The following LMO3 variants were observed in gnomAD, a reference collection of about 807,000 sequenced individuals.
LMO3 encodes the protein LIM domain only 3.
A neutral mutation model predicts 15.8 loss-of-function variants in LMO3; 2 were observed. That is an observed-to-expected ratio of 0.13 (90% CI 0.05 to 0.40). The LOEUF is 0.40. Ranked by LOEUF, LMO3 falls within the 10% of genes least tolerant of loss-of-function variation. LMO3 has a pLI of 0.99. For missense variants in LMO3, 86 were observed against 182.2 expected, an observed-to-expected ratio of 0.47 and a Z score of 3.04; for synonymous variants, 62 against 63.8, an observed-to-expected ratio of 0.97 and a Z score of 0.13.
intron 3 of LMO3, among the ~76,000 whole-genome samples, chr12:16,558,654 C>T (rs1393287945): frequency 6.6e-6 from 1 of 152,078 alleles, no homozygotes. Context: ...AGAGTCAAGA[C>T]ATTGTAAGAT....
At position 16,604,923 on chromosome 12, in the gene LMO3, T is replaced by C. The variant is rs1565517963; in HGVS notation, c.-9+1143A>G. Reference sequence around the variant, plus strand: ...TTAGGCGTGTCTGAGTTGCAGCAGCTTCGCATTGAGCACCAAACCCAAAGG... The same window carrying C: ...TTAGGCGTGTCTGAGTTGCAGCAGCCTCGCATTGAGCACCAAACCCAAAGG... On this transcript the variant is annotated intron_variant, in intron 1 of 3. Transcript: ENST00000537304. The surrounding 1 kb of genome is among the most constrained non-coding windows in gnomAD (Gnocchi z 5.3). The C allele has an allele frequency of 6.3e-7, 1 of 1,598,442 alleles. No individual in the cohort carries two copies. The highest frequency in any genetic ancestry group is 8.5e-7 in the Non-Finnish European group (1 of 1,179,788).
Position 16,596,771 on chromosome 12 carries a change from G to A in LMO3, c.206+3884C>T, listed in dbSNP as rs1188813739. 2.0e-5 allele frequency among the ~76,000 whole-genome samples: 3 copies of A among 151,590 alleles called. No homozygotes were observed. Among genetic ancestry groups the A allele is most frequent in the African/African-American group, 7.3e-5 (3 of 41,366 alleles). ...TAAGGCGGATAGATCGCAGTGATGA[G>A]TACCTTAAACATTATCACTACAACT... On this transcript the variant is annotated intron_variant, in intron 2 of 3. Transcript: ENST00000537304. The surrounding 1 kb of genome is among the most constrained non-coding windows in gnomAD (Gnocchi z 4.3).
At position 16,593,379 on chromosome 12, in the gene LMO3, T is replaced by TCCACC. The variant is rs1379298128; in HGVS notation, c.206+7271_206+7275dup. Among the ~76,000 whole-genome samples the TCCACC allele has an allele frequency of 3.3e-5, 5 of 151,798 alleles. No homozygotes were observed. Among genetic ancestry groups the TCCACC allele is most frequent in the Non-Finnish European group, 5.9e-5 (4 of 67,772 alleles). On this transcript the variant is annotated intron_variant, in intron 2 of 3. Coordinates refer to ENST00000537304, the MANE Select transcript of LMO3 (RefSeq NM_018640.5). The surrounding 1 kb of genome is among the most constrained non-coding windows in gnomAD (Gnocchi z 4.2). ...AATACATGCAGCTTAATGTTAATTTTCCACCTTCAAATCAGGGATTTGACT... is the reference window on the plus strand; with the variant it reads ...AATACATGCAGCTTAATGTTAATTTTCCACCCCACCTTCAAATCAGGGATTTGACT...
At chr12:16,581,973 ATATT>A (rs1326829287) in intron 2 of LMO3, among the ~76,000 whole-genome samples, 1 of 151,952 alleles carries the variant, frequency 6.6e-6, no homozygotes, top group Non-Finnish European at 1.5e-5. Context: ...TTTACTATTT[ATATT>A]TATTTACTTC....
chr12:16,568,599 GAAA>G (rs1439910952), intron 2 of LMO3, among the ~76,000 whole-genome samples: 2 of 152,126 alleles, frequency 1.3e-5, no homozygotes, highest in Non-Finnish European at 2.9e-5. Flanking sequence ...GCACAAAAAA[GAAA>G]AATATTTCAT....
intron 3 of LMO3, among the ~76,000 whole-genome samples, chr12:16,556,539 A>ACAATT (rs1474951924): frequency 6.6e-6 from 1 of 152,242 alleles, no homozygotes; most frequent in Non-Finnish European, 1.5e-5. Flanking sequence ...ACTGCTGAAT[A>ACAATT]CAATTCACAA....
chr12:16,573,242 A>G (rs1008549327), intron 2 of LMO3, among the ~76,000 whole-genome samples: 2 of 152,166 alleles, frequency 1.3e-5, no homozygotes, highest in African/African-American at 2.4e-5. Flanking sequence ...GGGTTTAGAG[A>G]GAATATTGAA....
chr12:16,600,777 T>C lies in LMO3; in HGVS notation c.84A>G (p.Ala28=). 1 of 1,614,114 alleles carries C rather than the reference T, an allele frequency of 6.2e-7. No individual in the cohort carries two copies. Among genetic ancestry groups the C allele is most frequent in the Non-Finnish European group, 8.5e-7 (1 of 1,180,010 alleles). Residue 28 remains alanine, a synonymous_variant, in exon 2 of 4, where the codon GCA becomes GCG. Transcript: ENST00000537304. ...AGTCTTCATGCCAGTATTTGTCCAG[T>C]GCCTTTAGAAGATACCGGTCCTTGA... ...RKIKDRYLLK[A]LDKYWHEDCL...
chr12:16,595,467 T>C (rs1943619137), intron 2 of LMO3, among the ~76,000 whole-genome samples: 1 of 151,368 alleles, frequency 6.6e-6, no homozygotes, highest in South Asian at 2.1e-4. Flanking sequence ...CACCTACTAT[T>C]TTCCAGAATG....
intron 3 of LMO3, among the ~76,000 whole-genome samples, chr12:16,553,003 C>T (rs146105176): frequency 3.0e-4 from 45 of 152,150 alleles, no homozygotes; most frequent in African/African-American, 9.4e-4. Context: ...TGACATCAGT[C>T]GACTTTGTAG....
rs564528955 is a variant in LMO3, at chr12:16,585,144, G to T, written c.206+15511C>A. ...GTCATGGCTTCCCCCTTTGGGTGGC[G>T]CATGCAAGCCCCAGTTCACAACGTT... is the stretch of plus-strand genomic sequence containing the variant. On this transcript the variant is annotated intron_variant, in intron 2 of 3. Coordinates refer to ENST00000537304, the MANE Select transcript of LMO3 (RefSeq NM_018640.5). The surrounding 1 kb of genome is among the most constrained non-coding windows in gnomAD (Gnocchi z 4.7). 3.9e-5 allele frequency among the ~76,000 whole-genome samples: 6 copies of T among 152,128 alleles called. No homozygotes were observed. The highest frequency in any genetic ancestry group is 1.2e-4 in the African/African-American group (5 of 41,422).
Position 16,559,798 on chromosome 12 carries a change from GA to G in LMO3, c.332+614del, listed in dbSNP as rs60838238. Among the ~76,000 whole-genome samples, 39,557 of 138,146 alleles carry G rather than the reference GA, an allele frequency of 0.29. 5,771 individuals carry two copies. Among genetic ancestry groups the G allele is most frequent in the South Asian group, 0.4 (1,718 of 4,292 alleles). 90.6% of individuals were successfully genotyped at this position (138,146 alleles called of 152,430 possible). ...AAACTCCATCATCTCTATAAAAAAT[GA>G]AAAAAAAAAAAAATTAGCCAGGCAT... is the stretch of plus-strand genomic sequence containing the variant. On this transcript the variant is annotated intron_variant, in intron 3 of 3. Transcript: ENST00000537304. The surrounding 1 kb of genome is among the most constrained non-coding windows in gnomAD (Gnocchi z 4.1).
Position 16,597,871 on chromosome 12 carries a change from T to C in LMO3, c.206+2784A>G, listed in dbSNP as rs1943706737. On this transcript the variant is annotated intron_variant, in intron 2 of 3. Coordinates refer to ENST00000537304, the MANE Select transcript of LMO3 (RefSeq NM_018640.5). This position sits in a 1 kb window ranked among gnomAD's most constrained non-coding sequence, Gnocchi z 5.0. ...AAATGAGAAAAATTACTTTTAAAGC[T>C]CAGGAAAATAACCACAGAATATTAC... The C allele has an allele frequency of 6.6e-6, 1 of 151,906 alleles. No individual in the cohort carries two copies. The allele number at this position is 151,906 out of a possible 1,614,324, so 9.4% of individuals were successfully genotyped here.
At chr12:16,568,649 G>A (rs373535113) in intron 2 of LMO3, among the ~76,000 whole-genome samples, 2 of 152,146 alleles carry the variant, frequency 1.3e-5, no homozygotes, top group East Asian at 1.9e-4. Context: ...ACATTGAGAT[G>A]GTAATCTTTG....
intron 2 of LMO3, among the ~76,000 whole-genome samples, chr12:16,579,133 T>C (rs986492833): frequency 6.6e-6 from 1 of 152,190 alleles, no homozygotes; most frequent in African/African-American, 2.4e-5. Flanking sequence ...GGGATTTTTT[T>C]TTGAAGAGAA....
chr12:16,553,463 G>A (rs1942070387), intron 3 of LMO3, among the ~76,000 whole-genome samples: 1 of 152,128 alleles, frequency 6.6e-6, no homozygotes, highest in Non-Finnish European at 1.5e-5. Flanking sequence ...TATATATAGA[G>A]CAACAGAGGC....
At chr12:16,554,844 G>C (rs1465608906) in intron 3 of LMO3, among the ~76,000 whole-genome samples, 2 of 152,000 alleles carry the variant, frequency 1.3e-5, no homozygotes, top group African/African-American at 2.4e-5. Context: ...TTTTTTAGTA[G>C]AGACGGGGTT....
chr12:16,560,851 A>G lies in LMO3; in HGVS notation c.207-313T>C. On this transcript the variant is annotated intron_variant, in intron 2 of 3. Coordinates refer to ENST00000537304, the MANE Select transcript of LMO3 (RefSeq NM_018640.5). This position sits in a 1 kb window ranked among gnomAD's most constrained non-coding sequence, Gnocchi z 5.0. ...AGCAAAAATCTCTGGGTTAGAGTAT[A>G]TAGAAAATATAAAAGCAATATAACT... 1 of 336,700 alleles carries G rather than the reference A, an allele frequency of 3.0e-6. No homozygotes were observed. The highest frequency in any genetic ancestry group is 5.8e-6 in the Non-Finnish European group (1 of 173,230). 20.9% of individuals were successfully genotyped at this position (336,700 alleles called of 1,614,324 possible).
rs1943326029 is a variant in LMO3 at position 16,586,525 on chromosome 12, G to T, written c.206+14130C>A. ...CTACGTCCACAGAAAAAAATCTGTT[G>T]TATAATATTGTCAGATTCAGGCCAA... On this transcript the variant is annotated intron_variant, in intron 2 of 3. Coordinates refer to ENST00000537304, the MANE Select transcript of LMO3 (RefSeq NM_018640.5). This position sits in a 1 kb window ranked among gnomAD's most constrained non-coding sequence, Gnocchi z 4.3. Among the ~76,000 whole-genome samples the T allele has an allele frequency of 6.6e-6, 1 of 152,154 alleles. No individual in the cohort carries two copies. The highest frequency in any genetic ancestry group is 1.5e-5 in the Non-Finnish European group (1 of 68,030).
Sources: allele counts gnomAD v4.1 joint callset (sites outside exome capture counted in the v4.1 genomes callset), GRCh38; gene constraint gnomAD v4.1.1; non-coding constraint Gnocchi (gnomAD v3.1); transcripts MANE v1.5; gene names NCBI Gene and HGNC (gene_info 2026-07-23, HGNC 2026-07-21).